Variants in EYS observed in about 807,000 individuals in gnomAD.
The protein encoded by EYS is EGF-like photoreceptor maintenance factor.
EYS carries 250 observed loss-of-function variants against 282.1 expected under a neutral mutation model. The ratio of observed to expected loss-of-function variants is 0.89; its 90% CI spans 0.80 to 0.98. EYS has a LOEUF of 0.98. EYS is among the 50% of genes least tolerant of loss of function. EYS has a pLI of 0.00. For synonymous variants in EYS, 1,355 were observed against 1,282.9 expected (o/e 1.06, Z -1.20); for missense variants, 4,016 against 3,709.0 (o/e 1.08, Z -2.15).
chr6:64,877,320 T>G (rs1766778984), intron 19 of EYS, among the ~76,000 whole-genome samples: 1 of 152,152 alleles, frequency 6.6e-6, no homozygotes, highest in African/African-American at 2.4e-5. Flanking sequence ...GATACCTGAA[T>G]GAACATGTTA....
intron 12 of EYS, among the ~76,000 whole-genome samples, chr6:65,262,803 C>G (rs1166887689): frequency 6.6e-6 from 1 of 151,884 alleles, no homozygotes; most frequent in Non-Finnish European, 1.5e-5. Context: ...TTAAAGAATA[C>G]CTTTAAAAGA....
intron 41 of EYS, among the ~76,000 whole-genome samples, chr6:63,754,385 C>T (rs776085663): frequency 2.6e-5 from 4 of 151,920 alleles, no homozygotes. Context: ...ATGTTCCCCA[C>T]CCTATGTCCA....
At chr6:64,347,686 T>A (rs534331673) in intron 29 of EYS, among the ~76,000 whole-genome samples, 1 of 151,502 alleles carries the variant, frequency 6.6e-6, no homozygotes, top group African/African-American at 2.4e-5. Context: ...CAAGCAGTTC[T>A]CAAGCTCCAG....
At position 63,941,837 on chromosome 6, in the gene EYS, G is replaced by A. The variant is rs114388147; in HGVS notation, c.7055+42546C>T. Reference sequence around the variant, plus strand: ...GGGAAAAGATCAACACTAGCTGCCAGTCTTTCGGTTGTGCAACAGGAAAGC... The same window carrying A: ...GGGAAAAGATCAACACTAGCTGCCAATCTTTCGGTTGTGCAACAGGAAAGC... On this transcript the variant is annotated intron_variant, in intron 35 of 42. Transcript: ENST00000503581. Among the ~76,000 whole-genome samples the A allele has an allele frequency of 8.7e-4, 133 of 152,326 alleles. 1 individual carries two copies. The highest frequency in any genetic ancestry group is 3.1e-3 in the African/African-American group (129 of 41,566).
At chr6:65,020,308 C>G (rs929541731) in intron 13 of EYS, among the ~76,000 whole-genome samples, 1 of 152,124 alleles carries the variant, frequency 6.6e-6, no homozygotes, top group African/African-American at 2.4e-5. Flanking sequence ...TTCCTAGATA[C>G]AATGTGAGTA....
intron 15 of EYS, among the ~76,000 whole-genome samples, chr6:64,939,058 T>G (rs1769005252): frequency 6.6e-6 from 1 of 151,854 alleles, no homozygotes; most frequent in South Asian, 2.1e-4. Flanking sequence ...AAGTTGTAAG[T>G]CATCCTATTT....
rs143317146 is a variant in EYS, at chr6:63,972,222, G to C, written c.7055+12161C>G. Among the ~76,000 whole-genome samples the C allele has an allele frequency of 8.2e-3, 1,249 of 152,214 alleles. 20 individuals carry two copies. Among genetic ancestry groups the C allele is most frequent in the African/African-American group, 0.026 (1,100 of 41,534 alleles). On this transcript the variant is annotated intron_variant, in intron 35 of 42. Coordinates refer to ENST00000503581, the MANE Select transcript of EYS (RefSeq NM_001142800.2). Reference sequence around the variant, plus strand: ...TTTTGAAACTCCAAGAGGGAGAAAGGAACATGTGACATTTTATGAATTTGT... The same window carrying C: ...TTTTGAAACTCCAAGAGGGAGAAAGCAACATGTGACATTTTATGAATTTGT...
At chr6:64,003,078 A>C (rs138910020) in intron 33 of EYS, among the ~76,000 whole-genome samples, 2 of 152,196 alleles carry the variant, frequency 1.3e-5, no homozygotes, top group Non-Finnish European at 2.9e-5. Context: ...CAATAGATGA[A>C]TGGATAAAGA....
intron 2 of EYS, among the ~76,000 whole-genome samples, chr6:65,565,244 CAAAAAAA>C (rs765596305): frequency 2.5e-3 from 4 of 1,616 alleles, no homozygotes; most frequent in Non-Finnish European, 2.3e-3. Context: ...GACTCCGTCT[CAAAAAAA>C]AAAAAAAAAA....
intron 26 of EYS, among the ~76,000 whole-genome samples, chr6:64,541,609 A>G (rs1456716038): frequency 6.6e-6 from 1 of 151,880 alleles, no homozygotes; most frequent in Non-Finnish European, 1.5e-5. Flanking sequence ...ACTAAAGTAT[A>G]TTTTCCCTTC....
At chr6:64,364,822 A>ATT (rs1772134647) in intron 29 of EYS, among the ~76,000 whole-genome samples, 2 of 151,908 alleles carry the variant, frequency 1.3e-5, no homozygotes, top group Non-Finnish European at 2.9e-5. Flanking sequence ...TTTGGGTGAT[A>ATT]GGTACACTAA....
At chr6:65,571,303 A>T (rs73449363) in intron 2 of EYS, among the ~76,000 whole-genome samples, 2,356 of 152,150 alleles carry the variant, frequency 0.015, 55 homozygotes, top group African/African-American at 0.053. Flanking sequence ...GAGGTAAGTT[A>T]TGGCAAGGTG....
At chr6:64,587,355 A>AT (rs1026254218) in intron 26 of EYS, among the ~76,000 whole-genome samples, 10 of 152,024 alleles carry the variant, frequency 6.6e-5, no homozygotes, top group African/African-American at 2.2e-4. Flanking sequence ...TCCCTTCATC[A>AT]TTTACACATT....
intron 30 of EYS, among the ~76,000 whole-genome samples, chr6:64,275,583 A>AT (rs1768083301): frequency 6.6e-6 from 1 of 151,396 alleles, no homozygotes; most frequent in East Asian, 2.0e-4. Flanking sequence ...CGCCCGGCTA[A>AT]TTTTTTGTAT....
intron 1 of EYS, among the ~76,000 whole-genome samples, chr6:65,686,711 A>G (rs2149841349): frequency 6.6e-6 from 1 of 152,244 alleles, no homozygotes; most frequent in South Asian, 2.1e-4. Flanking sequence ...AAAGCAAGAA[A>G]GTATTATTAT....
intron 29 of EYS, among the ~76,000 whole-genome samples, chr6:64,320,206 T>C (rs1020504950): frequency 2.0e-5 from 3 of 151,946 alleles, no homozygotes; most frequent in African/African-American, 7.2e-5. Context: ...ATTAAGATTA[T>C]TAGATATATT....
chr6:64,093,966 C>G (rs1046277664), intron 31 of EYS, among the ~76,000 whole-genome samples: 5 of 152,100 alleles, frequency 3.3e-5, no homozygotes, highest in African/African-American at 9.6e-5. Context: ...TAGCATGAAG[C>G]GTTGTTGAAT....
chr6:65,401,268 A>G (rs963085120), intron 7 of EYS, among the ~76,000 whole-genome samples: 2 of 151,564 alleles, frequency 1.3e-5, no homozygotes, highest in South Asian at 2.1e-4. Flanking sequence ...TTTCAAGATT[A>G]ATTTCCTGTC....
At chr6:65,097,389 G>T (rs1320034786) in intron 12 of EYS, among the ~76,000 whole-genome samples, 3 of 143,812 alleles carry the variant, frequency 2.1e-5, no homozygotes, top group African/African-American at 7.3e-5. Context: ...TTCATATACT[G>T]TTGGTAGGTA....
Sources: allele counts gnomAD v4.1 joint callset (sites outside exome capture counted in the v4.1 genomes callset), GRCh38; gene constraint gnomAD v4.1.1; transcripts MANE v1.5; gene names NCBI Gene and HGNC (gene_info 2026-07-23, HGNC 2026-07-21).